CBLL1: variants seen among roughly 807,000 people sequenced by gnomAD.
CBLL1 encodes the protein Cbl proto-oncogene like 1.
A neutral mutation model predicts 44.9 loss-of-function variants in CBLL1; 4 were observed. The observed-to-expected ratio is 0.09, with a 90% confidence interval of 0.04 to 0.20. CBLL1 has a LOEUF of 0.20. CBLL1 is among the 10% of genes least tolerant of loss of function. The probability of loss-of-function intolerance (pLI) is 1.00; values close to 1 mark genes in which losing one functional copy is unlikely to be tolerated. For missense variants in CBLL1, 569 were observed against 636.7 expected (o/e 0.89, Z 1.14); for synonymous variants, 235 against 202.2 (o/e 1.16, Z -1.38).
At chr7:107,749,094 A>G (rs1793148082) in intron 2 of CBLL1, 47 bp downstream of exon 2, 2 of 1,574,288 alleles carry the variant, frequency 1.3e-6, no homozygotes, top group Non-Finnish European at 1.7e-6. Context: ...GTTTTATCTG[A>G]TTGCTTCGGA....
rs201726690 is a variant in CBLL1 at position 107,758,587 on chromosome 7, C to T, written c.885C>T (p.Val295=). 1.2e-6 allele frequency: 2 copies of T among 1,613,938 alleles called. No homozygotes were observed. Among genetic ancestry groups the T allele is most frequent in the Non-Finnish European group, 1.7e-6 (2 of 1,180,008 alleles). ...GAAAACACAGCAATTTAATAACCGT[C>T]CCTATTCAGGATGACTCAAATTCAG... is the stretch of plus-strand genomic sequence containing the variant. The part of the protein sequence containing the change: ...STRKHSNLIT[V]PIQDDSNSGA... Residue 295 remains valine (V), a synonymous_variant, in exon 6 of 6, where the codon GTC becomes GTT. Coordinates refer to ENST00000440859, the MANE Select transcript of CBLL1 (RefSeq NM_024814.4). The surrounding 1 kb of genome is among the most constrained non-coding windows in gnomAD (Gnocchi z 4.2).
chr7:107,753,061 C>T (rs1053770507), intron 2 of CBLL1, among the ~76,000 whole-genome samples: 1 of 152,130 alleles, frequency 6.6e-6, no homozygotes. Flanking sequence ...CAAGCATGAT[C>T]ATCAGTAAAG....
Position 107,760,797 on chromosome 7 carries a change from CATCTT to C in CBLL1, c.*1620_*1624del, listed in dbSNP as rs1018800462. 7 of 152,258 alleles carry C rather than the reference CATCTT, an allele frequency of 4.6e-5. No homozygotes were observed. The highest frequency in any genetic ancestry group is 2.0e-4 in the Admixed American group (3 of 15,284). The allele number at this position is 152,258 out of a possible 1,614,324, so 9.4% of individuals were successfully genotyped here. A position where few individuals can be genotyped will look rare whatever the true frequency, so the allele number is the denominator to read the frequency against. On this transcript the variant is annotated 3_prime_UTR_variant, in exon 6 of 6. Coordinates refer to ENST00000440859, the MANE Select transcript of CBLL1 (RefSeq NM_024814.4). ...GTCAGGTACAGGTGAAACAAATTCTCATCTTGAATGATCAGATGCAAAATCATTTC... is the reference window on the plus strand; with the variant it reads ...GTCAGGTACAGGTGAAACAAATTCTCGAATGATCAGATGCAAAATCATTTC...
At position 107,758,173 on chromosome 7, in the gene CBLL1, G is replaced by C; in HGVS notation, c.471G>C (p.Gln157His). 1 of 1,613,182 alleles carries C rather than the reference G, an allele frequency of 6.2e-7. No individual in the cohort carries two copies. The highest frequency in any genetic ancestry group is 8.5e-7 in the Non-Finnish European group (1 of 1,179,272). Reference protein sequence around the residue: ...GCSDPVQRIEQCTRGSLFMCS... With the variant: ...GCSDPVQRIEHCTRGSLFMCS... ...GTGATCCTGTGCAGCGAATTGAGCA[G>C]TGTACACGAGGTTCTCTCTTCATGT... Residue 157 changes from glutamine to histidine, a missense_variant, in exon 6 of 6, where the codon CAG becomes CAC. Transcript: ENST00000440859. The surrounding 1 kb of genome is among the most constrained non-coding windows in gnomAD (Gnocchi z 4.2).
At position 107,758,316 on chromosome 7, in the gene CBLL1, T is replaced by A; in HGVS notation, c.614T>A (p.Val205Asp). ...KPVTRASLEN[V>D]HPPIAPPPTE... Reference sequence around the variant, plus strand: ...GTTACCCGTGCTTCACTTGAAAATGTTCATCCTCCTATTGCCCCACCACCA... The same window carrying A: ...GTTACCCGTGCTTCACTTGAAAATGATCATCCTCCTATTGCCCCACCACCA... The change falls in exon 6 of 6, where the codon GTT becomes GAT. Residue 205 changes from valine to aspartate, a missense_variant. Val to Asp is a radical substitution (Grantham distance 152). Transcript: ENST00000440859. This position sits in a 1 kb window ranked among gnomAD's most constrained non-coding sequence, Gnocchi z 4.2. 6.2e-7 allele frequency: 1 copy of A among 1,614,064 alleles called. No individual in the cohort carries two copies. The highest frequency in any genetic ancestry group is 8.5e-7 in the Non-Finnish European group (1 of 1,180,010).
At chr7:107,751,266 C>A (rs1323822360) in intron 2 of CBLL1, among the ~76,000 whole-genome samples, 2 of 152,182 alleles carry the variant, frequency 1.3e-5, no homozygotes, top group Admixed American at 1.3e-4. Context: ...TCTAATGAGG[C>A]TGCTGATCTG....
rs1362885098 is a variant in CBLL1, at chr7:107,758,660, C to G, written c.958C>G (p.Pro320Ala). ...TGCCCCAGCACCTGCTCACCATCAT[C>G]CTGAATATCAGGGTCAACCAGTGGT... ...PPAPAPAHHH[P>A]EYQGQPVVSH... The change falls in exon 6 of 6, where the codon CCT becomes GCT. Residue 320 changes from proline (P) to alanine (A), a missense_variant. Transcript: ENST00000440859. This position sits in a 1 kb window ranked among gnomAD's most constrained non-coding sequence, Gnocchi z 4.2. 9 of 1,613,904 alleles carry G rather than the reference C, an allele frequency of 5.6e-6. No individual in the cohort carries two copies. The Admixed American group carries it at 1.5e-4, about 27-fold the overall frequency.
intron 4 of CBLL1, among the ~76,000 whole-genome samples, chr7:107,754,339 C>A (rs1793435750): frequency 6.6e-6 from 1 of 151,814 alleles, no homozygotes; most frequent in Admixed American, 6.6e-5. Flanking sequence ...CATAAAACTG[C>A]ATTAATAATA....
In CBLL1 at chr7:107,760,476, T is replaced by C. The variant is rs1273260589; in HGVS notation, c.*1298T>C. The C allele has an allele frequency of 6.6e-6, 1 of 152,242 alleles. No individual in the cohort carries two copies. Among genetic ancestry groups the C allele is most frequent in the Non-Finnish European group, 1.5e-5 (1 of 67,956 alleles). The allele number at this position is 152,242 out of a possible 1,614,324, so 9.4% of individuals were successfully genotyped here. ...AGCTAAATTGTGGATTTCAGTGCTT[T>C]ACATGGTGCCTTTCGAGTCAGCTTT... is the stretch of plus-strand genomic sequence containing the variant. On this transcript the variant is annotated 3_prime_UTR_variant, in exon 6 of 6. Coordinates refer to ENST00000440859, the MANE Select transcript of CBLL1 (RefSeq NM_024814.4).
chr7:107,755,910 C>T (rs1434812784), intron 5 of CBLL1, among the ~76,000 whole-genome samples: 1 of 151,932 alleles, frequency 6.6e-6, no homozygotes, highest in Non-Finnish European at 1.5e-5. Flanking sequence ...TAGTACCTAC[C>T]TCCTTGAGGT....
chr7:107,757,283 T>C (rs1414982417), intron 5 of CBLL1, among the ~76,000 whole-genome samples: 3 of 152,176 alleles, frequency 2.0e-5, no homozygotes, highest in Non-Finnish European at 2.9e-5. Context: ...GAAATAGATA[T>C]AAAAACATTG....
At chr7:107,744,323 C>A in intron 1 of CBLL1, 147 bp downstream of exon 1, 1 of 1,033,718 alleles carries the variant, frequency 9.7e-7, no homozygotes, top group Non-Finnish European at 1.3e-6. Flanking sequence ...CCTTCCTGTG[C>A]CCGGCAGGGG....
chr7:107,755,075 A>C (rs550255528), intron 4 of CBLL1, among the ~76,000 whole-genome samples: 1 of 152,284 alleles, frequency 6.6e-6, no homozygotes, highest in African/African-American at 2.4e-5. Context: ...AGCTGTGATC[A>C]CACCACTGGA....
At position 107,758,817 on chromosome 7, in the gene CBLL1, C is replaced by T; in HGVS notation, c.1115C>T (p.Ala372Val). The part of the protein sequence containing the change: ...AGTPHLVYSQ[A>V]PPPPMTSAPP... ...ACTCCTCACTTGGTATATAGCCAAG[C>T]TCCACCTCCACCAATGACCTCTGCT... is the stretch of plus-strand genomic sequence containing the variant. The change falls in exon 6 of 6, where the codon GCT becomes GTT. Residue 372 changes from alanine to valine, a missense_variant. Around this residue, in one of 5 missense-constraint regions of CBLL1, gnomAD observed 228 missense variants for 253.2 expected, o/e 0.90. Coordinates refer to ENST00000440859, the MANE Select transcript of CBLL1 (RefSeq NM_024814.4). The surrounding 1 kb of genome is among the most constrained non-coding windows in gnomAD (Gnocchi z 4.2). The T allele has an allele frequency of 6.2e-7, 1 of 1,613,882 alleles. No homozygotes were observed. The highest frequency in any genetic ancestry group is 8.5e-7 in the Non-Finnish European group (1 of 1,179,902).
chr7:107,749,823 AGT>A, intron 2 of CBLL1, among the ~76,000 whole-genome samples: 1 of 152,126 alleles, frequency 6.6e-6, no homozygotes, highest in Non-Finnish European at 1.5e-5. Flanking sequence ...ATTATGAAAG[AGT>A]GTATATTTTT....
chr7:107,746,703 C>T (rs1793038395), intron 1 of CBLL1, among the ~76,000 whole-genome samples: 2 of 152,084 alleles, frequency 1.3e-5, no homozygotes, highest in South Asian at 4.1e-4. Flanking sequence ...GAACATTATG[C>T]AAAAATGACC....
rs1793717187 is a variant in CBLL1, at chr7:107,760,348, C to T, written c.*1170C>T. On this transcript the variant is annotated 3_prime_UTR_variant, in exon 6 of 6. Coordinates refer to ENST00000440859, the MANE Select transcript of CBLL1 (RefSeq NM_024814.4). ...ACTTGAAATTTAAAAACTTTTATTTCCTATTCCTTTTGTCGGTAAAGCAGT... is the reference window on the plus strand; with the variant it reads ...ACTTGAAATTTAAAAACTTTTATTTTCTATTCCTTTTGTCGGTAAAGCAGT... 1 of 152,130 alleles carries T rather than the reference C, an allele frequency of 6.6e-6. No individual in the cohort carries two copies. The highest frequency in any genetic ancestry group is 6.6e-5 in the Admixed American group (1 of 15,252). The allele number at this position is 152,130 out of a possible 1,614,324, so 9.4% of individuals were successfully genotyped here.
chr7:107,753,266 A>T, intron 2 of CBLL1, 145 bp from the exon 3 acceptor site: 1 of 557,282 alleles, frequency 1.8e-6, no homozygotes, highest in East Asian at 3.4e-5. Context: ...GTTTTAAAGT[A>T]ATCTTGATTG....
At chr7:107,744,309 G>A (rs887004282) in intron 1 of CBLL1, 133 bp downstream of exon 1, 2 of 1,142,486 alleles carry the variant, frequency 1.8e-6, no homozygotes, top group Admixed American at 3.5e-5. Flanking sequence ...AAATCTCACA[G>A]ATGCCTTCCT....
Sources: gnomAD v4.1 joint callset for allele counts (sites outside exome capture counted in the v4.1 genomes callset) on GRCh38, gnomAD v4.1.1 for gene constraint, gnomAD v4.1.1 regional missense constraint, Gnocchi (gnomAD v3.1) non-coding constraint, MANE v1.5 for transcripts, NCBI Gene and HGNC (gene_info 2026-07-23, HGNC 2026-07-21) for gene names.